Variants in ARID1B observed in about 807,000 individuals in gnomAD.
ARID1B encodes the protein AT-rich interactive domain-containing protein 1B.
In ARID1B, 30 loss-of-function variants were observed where a neutral mutation model predicts 212.3. The ratio of observed to expected loss-of-function variants is 0.14; its 90% CI spans 0.11 to 0.19. The LOEUF is 0.19. Among genes scored for constraint, ARID1B ranks in the 10% least tolerant of loss-of-function variants. The pLI is 1.00. For synonymous variants in ARID1B, 1,402 were observed against 1,301.7 expected (o/e 1.08, Z -1.66); for missense variants, 2,891 against 3,204.0 (o/e 0.90, Z 2.36).
At chr6:156,962,783 G>C (rs1380289074) in intron 4 of ARID1B, among the ~76,000 whole-genome samples, 1 of 150,990 alleles carries the variant, frequency 6.6e-6, no homozygotes, top group African/African-American at 2.4e-5. Flanking sequence ...ACACCTGGCC[G>C]ATTTCTTTCT....
rs1392854569 is a variant in ARID1B, at chr6:157,208,356, C to A, written c.*465C>A. ...TTTACTCCTCAGAGAATGAAAAAAA[C>A]TGCATCCCATCACCCAAAGTTCTGT... is the stretch of plus-strand genomic sequence containing the variant. On this transcript the variant is annotated 3_prime_UTR_variant, in exon 20 of 20. Transcript: ENST00000636930. 4.3e-6 allele frequency: 1 copy of A among 233,578 alleles called. No individual in the cohort carries two copies. The highest frequency in any genetic ancestry group is 8.5e-6 in the Non-Finnish European group (1 of 118,128). The allele number at this position is 233,578 out of a possible 1,614,324, so 14.5% of individuals were successfully genotyped here.
chr6:157,163,681 C>G (rs1288183932), intron 8 of ARID1B, among the ~76,000 whole-genome samples: 1 of 152,196 alleles, frequency 6.6e-6, no homozygotes, highest in Non-Finnish European at 1.5e-5. Flanking sequence ...ATTCATGTCT[C>G]CCACTACCCC....
At chr6:157,067,911 T>C (rs1460006329) in intron 4 of ARID1B, among the ~76,000 whole-genome samples, 2 of 152,188 alleles carry the variant, frequency 1.3e-5, no homozygotes, top group Admixed American at 6.5e-5. Flanking sequence ...TTCTCAGGAA[T>C]TTAAATTCAG....
At chr6:156,964,362 A>T (rs1794600333) in intron 4 of ARID1B, among the ~76,000 whole-genome samples, 1 of 152,250 alleles carries the variant, frequency 6.6e-6, no homozygotes, top group South Asian at 2.1e-4. Context: ...TCTGTTTATC[A>T]GACTAATAGC....
At chr6:156,990,534 G>T (rs565682818) in intron 4 of ARID1B, among the ~76,000 whole-genome samples, 1 of 152,054 alleles carries the variant, frequency 6.6e-6, no homozygotes, top group Non-Finnish European at 1.5e-5. Flanking sequence ...CCAGCCACTC[G>T]GGAGGCTGAG....
At chr6:156,945,435 G>A (rs1793044812) in intron 4 of ARID1B, among the ~76,000 whole-genome samples, 1 of 151,692 alleles carries the variant, frequency 6.6e-6, no homozygotes, top group South Asian at 2.1e-4. Flanking sequence ...CTCTAAAGCA[G>A]GCCACAGTGA....
At chr6:157,121,330 C>T (rs1312989193) in intron 6 of ARID1B, among the ~76,000 whole-genome samples, 6 of 152,220 alleles carry the variant, frequency 3.9e-5, no homozygotes, top group South Asian at 2.1e-4. Flanking sequence ...TCCTTTATGT[C>T]GTCTACCCCC....
chr6:157,013,189 T>G lies in ARID1B; in HGVS notation c.2248-71473T>G, dbSNP rs114152041. ...CCACGGCGCCCTGCCGGCATGAAGT[T>G]TTGAACTTGCCATTTTGCCGCTCTA... On this transcript the variant is annotated intron_variant, in intron 4 of 19. Coordinates refer to ENST00000636930, the MANE Select transcript of ARID1B (RefSeq NM_001374828.1). 2.6e-3 allele frequency among the ~76,000 whole-genome samples: 401 copies of G among 152,352 alleles called. 1 individual carries two copies. The highest frequency in any genetic ancestry group is 9.2e-3 in the African/African-American group (383 of 41,588).
intron 4 of ARID1B, among the ~76,000 whole-genome samples, chr6:157,074,090 T>C (rs1367125404): frequency 6.6e-6 from 1 of 152,206 alleles, no homozygotes; most frequent in African/African-American, 2.4e-5. Context: ...TATGATACCA[T>C]ACAAATATCA....
At chr6:156,842,287 C>T (rs917062370) in intron 2 of ARID1B, among the ~76,000 whole-genome samples, 3 of 152,192 alleles carry the variant, frequency 2.0e-5, no homozygotes, top group Admixed American at 6.5e-5. Flanking sequence ...GTCCCTCTTC[C>T]CCCCAGGCAA....
Position 157,200,595 on chromosome 6 carries a change from T to C in ARID1B, c.4480-110T>C. ...TCTGTTGTTATAGGAGCTTCCCATA[T>C]TCATTTTGAAATGAACATTCTAGCA... On this transcript the variant is annotated intron_variant, in intron 17 of 19. Coordinates refer to ENST00000636930, the MANE Select transcript of ARID1B (RefSeq NM_001374828.1). This position sits in a 1 kb window ranked among gnomAD's most constrained non-coding sequence, Gnocchi z 4.3. 5 of 1,281,466 alleles carry C rather than the reference T, an allele frequency of 3.9e-6. No individual in the cohort carries two copies. In the South Asian group the frequency reaches 4.4e-5, roughly 11 times the overall value. 79.4% of individuals were successfully genotyped at this position (1,281,466 alleles called of 1,614,324 possible).
intron 12 of ARID1B, among the ~76,000 whole-genome samples, chr6:157,182,116 A>G (rs1792589205): frequency 1.3e-5 from 2 of 152,060 alleles, no homozygotes; most frequent in African/African-American, 4.8e-5. Flanking sequence ...GGGCGTGGTG[A>G]TGCACACCTA....
intron 2 of ARID1B, among the ~76,000 whole-genome samples, chr6:156,834,697 T>C (rs1229576106): frequency 6.6e-6 from 1 of 152,218 alleles, no homozygotes; most frequent in Non-Finnish European, 1.5e-5. Flanking sequence ...GGAGCCGAGC[T>C]GATTTGCTTG....
chr6:156,975,613 C>CTTTTTTTTTTTTTTTTTTTTTTTTTT (rs367797338), intron 4 of ARID1B, among the ~76,000 whole-genome samples: 2 of 110,854 alleles, frequency 1.8e-5, no homozygotes, highest in African/African-American at 3.5e-5. Context: ...TTTTTTTTTT[C>CTTTTTTTTTTTTTTTTTTTTTTTTTT]TTTTTTTTTT....
At chr6:156,793,541 G>A (rs190909874) in intron 1 of ARID1B, among the ~76,000 whole-genome samples, 129 of 152,208 alleles carry the variant, frequency 8.5e-4, no homozygotes, top group Non-Finnish European at 1.0e-4. Flanking sequence ...TCACTGTGTT[G>A]CCCGGGCTGG....
At chr6:157,100,906 C>G (rs1786007935) in intron 5 of ARID1B, among the ~76,000 whole-genome samples, 1 of 152,096 alleles carries the variant, frequency 6.6e-6, no homozygotes, top group African/African-American at 2.4e-5. Context: ...TAAATACAAC[C>G]CATAGTAAGA....
intron 3 of ARID1B, among the ~76,000 whole-genome samples, chr6:156,915,380 A>G (rs1790264026): frequency 6.6e-6 from 1 of 152,086 alleles, no homozygotes; most frequent in African/African-American, 2.4e-5. Context: ...CAGCCTGGCC[A>G]ACATGGTGAA....
At position 156,829,225 on chromosome 6, in the gene ARID1B, A is replaced by G; in HGVS notation, c.1792-2A>G. ...AAACCGACTTCTTTTATGTCTTCAC[A>G]GGGCAGCCCAATGGATCCAATGGTG... On this transcript the variant is annotated splice_acceptor_variant, in intron 1 of 19. Coordinates refer to ENST00000636930, the MANE Select transcript of ARID1B (RefSeq NM_001374828.1). LOFTEE classifies it high-confidence loss of function. 1 of 1,606,664 alleles carries G rather than the reference A, an allele frequency of 6.2e-7. No individual in the cohort carries two copies. The highest frequency in any genetic ancestry group is 8.5e-7 in the Non-Finnish European group (1 of 1,175,700).
chr6:156,789,518 A>G (rs1020035467), intron 1 of ARID1B, among the ~76,000 whole-genome samples: 1 of 152,224 alleles, frequency 6.6e-6, no homozygotes, highest in African/African-American at 2.4e-5. Context: ...TAAACATGCT[A>G]CACAGTAAGG....
Sources: allele counts gnomAD v4.1 joint callset (sites outside exome capture counted in the v4.1 genomes callset), GRCh38; gene constraint gnomAD v4.1.1; non-coding constraint Gnocchi (gnomAD v3.1); transcripts MANE v1.5; gene names NCBI Gene and HGNC (gene_info 2026-07-23, HGNC 2026-07-21).